Variants in SYT1 observed in about 807,000 individuals in gnomAD.
The protein encoded by SYT1 is synaptotagmin-1.
In SYT1, 8 loss-of-function variants were observed where a neutral mutation model predicts 44.8. The ratio of observed to expected loss-of-function variants is 0.18; its 90% confidence interval spans 0.10 to 0.32. The LOEUF is 0.32. Ranked by LOEUF, SYT1 falls within the 10% of genes least tolerant of loss-of-function variation. SYT1 has a pLI of 1.00. For synonymous variants in SYT1, 154 were observed against 188.8 expected (o/e 0.82, Z 1.51); for missense variants, 286 against 509.3 (o/e 0.56, Z 4.22).
intron 9 of SYT1, among the ~76,000 whole-genome samples, chr12:79,373,384 C>G (rs1593010617): frequency 6.6e-6 from 1 of 151,930 alleles, no homozygotes; most frequent in Non-Finnish European, 1.5e-5. Context: ...ACTTAAAAGT[C>G]AAAAAATGTA....
chr12:79,048,968 T>G (rs1338791188), intron 3 of SYT1, among the ~76,000 whole-genome samples: 1 of 151,958 alleles, frequency 6.6e-6, no homozygotes, highest in Non-Finnish European at 1.5e-5. Context: ...TATATAATTC[T>G]GTTTCTAAAC....
intron 3 of SYT1, among the ~76,000 whole-genome samples, chr12:79,066,076 A>G (rs1875829245): frequency 6.6e-6 from 1 of 152,146 alleles, no homozygotes; most frequent in Admixed American, 6.6e-5. Context: ...ACAAATACAC[A>G]TGCACACACA....
chr12:78,971,120 C>T (rs1868369233), intron 1 of SYT1, among the ~76,000 whole-genome samples: 2 of 152,206 alleles, frequency 1.3e-5, no homozygotes, highest in East Asian at 1.9e-4. Flanking sequence ...GTTGAGATTG[C>T]ACCACTGCAC....
chr12:79,268,250 G>A (rs1878234861), intron 4 of SYT1, among the ~76,000 whole-genome samples: 1 of 152,094 alleles, frequency 6.6e-6, no homozygotes, highest in Non-Finnish European at 1.5e-5. Flanking sequence ...GCAAAGAGAG[G>A]CAGATTTACG....
At chr12:78,963,834 G>T (rs1879637332) in intron 1 of SYT1, among the ~76,000 whole-genome samples, 1 of 152,060 alleles carries the variant, frequency 6.6e-6, no homozygotes, top group African/African-American at 2.4e-5. Flanking sequence ...TTGGTCAAAA[G>T]AATTAAATCA....
chr12:79,405,628 CAT>C (rs1431380046), intron 9 of SYT1, among the ~76,000 whole-genome samples: 1 of 152,142 alleles, frequency 6.6e-6, no homozygotes, highest in Non-Finnish European at 1.5e-5. Context: ...GTTAAGAACA[CAT>C]TGGGCTGCAA....
intron 2 of SYT1, among the ~76,000 whole-genome samples, chr12:78,983,791 A>G (rs190743388): frequency 4.6e-5 from 7 of 152,232 alleles, no homozygotes; most frequent in Non-Finnish European, 8.8e-5. Context: ...AAGAATAGCA[A>G]TGTAAGAGTT....
At chr12:79,437,295 T>C (rs1425706782) in intron 9 of SYT1, among the ~76,000 whole-genome samples, 1 of 152,114 alleles carries the variant, frequency 6.6e-6, no homozygotes, top group African/African-American at 2.4e-5. Flanking sequence ...ATTGAGGACA[T>C]TACTGCAAGA....
intron 2 of SYT1, among the ~76,000 whole-genome samples, chr12:78,985,351 T>C (rs1269623318): frequency 2.0e-5 from 3 of 151,968 alleles, no homozygotes; most frequent in Non-Finnish European, 4.4e-5. Flanking sequence ...GATTTTGTTA[T>C]TTAACTGTAA....
chr12:78,921,896 T>C (rs886887828), intron 1 of SYT1, among the ~76,000 whole-genome samples: 2 of 151,898 alleles, frequency 1.3e-5, no homozygotes, highest in East Asian at 3.9e-4. Context: ...AGGAATATTT[T>C]TGCATACTTT....
intron 9 of SYT1, among the ~76,000 whole-genome samples, chr12:79,374,198 TAGA>T (rs761005516): frequency 2.0e-4 from 31 of 152,292 alleles, no homozygotes; most frequent in Admixed American, 1.1e-3. Context: ...CCTTTATTTT[TAGA>T]AGAAGAAAAT....
chr12:78,865,337 T>C (rs1873479438), intron 1 of SYT1, among the ~76,000 whole-genome samples: 1 of 152,038 alleles, frequency 6.6e-6, no homozygotes, highest in Admixed American at 6.6e-5. Context: ...ATGTTGGGCA[T>C]CCCCCATCTT....
chr12:78,916,584 T>G (rs1165912454), intron 1 of SYT1, among the ~76,000 whole-genome samples: 1 of 151,948 alleles, frequency 6.6e-6, no homozygotes, highest in Admixed American at 6.6e-5. Flanking sequence ...ATCTGACATT[T>G]TTTCCTATTG....
chr12:79,243,787 A>G (rs1876654934), intron 4 of SYT1, among the ~76,000 whole-genome samples: 1 of 152,106 alleles, frequency 6.6e-6, no homozygotes, highest in African/African-American at 2.4e-5. Flanking sequence ...AAATTTACTT[A>G]GCATAAAAAG....
chr12:78,960,123 G>A (rs977397732), intron 1 of SYT1: 7 of 152,114 alleles, frequency 4.6e-5, no homozygotes, highest in Admixed American at 2.6e-4. Flanking sequence ...AATAAAAATG[G>A]CAACTTTACC....
intron 3 of SYT1, among the ~76,000 whole-genome samples, chr12:79,159,859 T>TA (rs1870841070): frequency 6.6e-6 from 1 of 152,142 alleles, no homozygotes; most frequent in Non-Finnish European, 1.5e-5. Flanking sequence ...TTCTCGGAGT[T>TA]AAAATGTAGC....
chr12:79,194,138 C>T (rs1386946296), intron 3 of SYT1, among the ~76,000 whole-genome samples: 3 of 151,750 alleles, frequency 2.0e-5, no homozygotes, highest in East Asian at 1.9e-4. Flanking sequence ...TGCAAATAGG[C>T]CTACTATAAA....
chr12:78,910,352 T>C (rs1163721054), intron 1 of SYT1, among the ~76,000 whole-genome samples: 1 of 151,994 alleles, frequency 6.6e-6, no homozygotes, highest in Non-Finnish European at 1.5e-5. Flanking sequence ...ATATCCAGTG[T>C]GTCAGTTCCT....
At chr12:78,985,982 C>A (rs943111075) in intron 2 of SYT1, among the ~76,000 whole-genome samples, 2 of 152,040 alleles carry the variant, frequency 1.3e-5, no homozygotes, top group African/African-American at 2.4e-5. Flanking sequence ...AAATTATATA[C>A]CACTATAAAA....
Sources: allele counts gnomAD v4.1 joint callset (sites outside exome capture counted in the v4.1 genomes callset), GRCh38; gene constraint gnomAD v4.1.1; transcripts MANE v1.5; gene names NCBI Gene and HGNC (gene_info 2026-07-23, HGNC 2026-07-21).